A1CF: variants seen among roughly 807,000 people sequenced by gnomAD.
A1CF encodes the protein APOBEC-1 stimulating protein.
In A1CF, 48 loss-of-function variants were observed where a neutral mutation model predicts 68.9. The ratio of observed to expected loss-of-function variants is 0.70; its 90% CI spans 0.55 to 0.89. The LOEUF (loss-of-function observed/expected upper bound fraction) is 0.89, where lower values mean the gene tolerates loss of function less well. A1CF is among the 40% of genes least tolerant of loss of function. The probability of loss-of-function intolerance (pLI) is 0.00; values close to 1 mark genes in which losing one functional copy is unlikely to be tolerated. For missense variants in A1CF, 653 were observed against 718.9 expected (o/e 0.91, Z 1.05); for synonymous variants, 272 against 260.4 (o/e 1.04, Z -0.43).
At chr10:50,810,619 C>T (rs1053782966) in intron 11 of A1CF, among the ~76,000 whole-genome samples, 17 of 152,056 alleles carry the variant, frequency 1.1e-4, no homozygotes, top group Admixed American at 2.6e-4. Flanking sequence ...TGACTACAGG[C>T]GCCTGCTGAG....
chr10:50,819,676 C>A (rs1484114509), intron 8 of A1CF, among the ~76,000 whole-genome samples: 1 of 152,178 alleles, frequency 6.6e-6, no homozygotes, highest in Non-Finnish European at 1.5e-5. Flanking sequence ...CCAAGTTACT[C>A]CACATTTTCC....
Position 50,814,008 on chromosome 10 carries a change from C to T in A1CF, c.1172G>A (p.Arg391His), listed in dbSNP as rs149597685. ...CAGGCCTGTGTATGCCAAATAGCCACGGCCGCCCAGTCCTCTCACTCCCGC... is the reference window on the plus strand; with the variant it reads ...CAGGCCTGTGTATGCCAAATAGCCATGGCCGCCCAGTCCTCTCACTCCCGC... Reference protein sequence around the residue: ...GAAGVRGLGGRGYLAYTGLGR... With the variant: ...GAAGVRGLGGHGYLAYTGLGR... The change falls in exon 10 of 13, where the codon CGT (arginine) becomes CAT (histidine). Residue 391 changes from arginine (R) to histidine (H), a missense_variant. Arg to His is a conservative substitution (Grantham distance 29). Coordinates refer to ENST00000373997, the MANE Select transcript of A1CF (RefSeq NM_014576.4). 51 of 1,613,752 alleles carry T rather than the reference C, an allele frequency of 3.2e-5. No individual in the cohort carries two copies. The highest frequency in any genetic ancestry group is 4.0e-5 in the African/African-American group (3 of 75,008).
At chr10:50,883,672 AAAG>A in intron 1 of A1CF, among the ~76,000 whole-genome samples, 1 of 152,220 alleles carries the variant, frequency 6.6e-6, no homozygotes. Flanking sequence ...GATGTTCCTG[AAAG>A]AAGATGTTCT....
chr10:50,873,067 T>G (rs934549083), intron 1 of A1CF, among the ~76,000 whole-genome samples: 1 of 146,212 alleles, frequency 6.8e-6, no homozygotes, highest in Non-Finnish European at 1.5e-5. Flanking sequence ...GAAATTCTCC[T>G]GCCTCAGCCT....
intron 1 of A1CF, among the ~76,000 whole-genome samples, chr10:50,881,058 C>T (rs535750597): frequency 5.1e-4 from 77 of 151,636 alleles, no homozygotes; most frequent in Non-Finnish European, 9.9e-4. Context: ...GGTGCGATCT[C>T]GGCTCACTGC....
At position 50,850,271 on chromosome 10, in the gene A1CF, C is replaced by T. The variant is rs1041658465; in HGVS notation, c.100-6149G>A. Among the ~76,000 whole-genome samples, 4 of 152,198 alleles carry T rather than the reference C, an allele frequency of 2.6e-5. 1 individual carries two copies. The highest frequency in any genetic ancestry group is 9.7e-5 in the African/African-American group (4 of 41,446). The stretch of plus-strand genomic sequence containing the variant: ...TCCAAGGAAATTAATCCCAATTTCA[C>T]TTGAAGTTGTTAACTATCTTATGGA... On this transcript the variant is annotated intron_variant, in intron 3 of 12. Transcript: ENST00000373997.
chr10:50,861,884 G>T (rs1840763867), intron 2 of A1CF, among the ~76,000 whole-genome samples: 1 of 148,662 alleles, frequency 6.7e-6, no homozygotes, highest in Admixed American at 6.8e-5. Context: ...TACTAGTATA[G>T]TATTACTATA....
At chr10:50,838,228 A>G (rs569008042) in intron 5 of A1CF, among the ~76,000 whole-genome samples, 53 of 152,282 alleles carry the variant, frequency 3.5e-4, no homozygotes, top group Non-Finnish European at 5.6e-4. Context: ...GGGTTAGGCC[A>G]CTGTCCTAGC....
At chr10:50,857,391 C>T (rs573057960) in intron 3 of A1CF, among the ~76,000 whole-genome samples, 2 of 152,166 alleles carry the variant, frequency 1.3e-5, no homozygotes, top group East Asian at 3.9e-4. Context: ...GGTATGAAAC[C>T]AAGTGACTAG....
At chr10:50,866,093 A>T (rs1426118971) in intron 1 of A1CF, among the ~76,000 whole-genome samples, 3 of 152,188 alleles carry the variant, frequency 2.0e-5, no homozygotes, top group Admixed American at 1.3e-4. Flanking sequence ...AAGTCCTAAT[A>T]CTTATTATTT....
chr10:50,866,247 CAG>C (rs1302058152), intron 1 of A1CF, among the ~76,000 whole-genome samples: 1 of 152,176 alleles, frequency 6.6e-6, no homozygotes, highest in African/African-American at 2.4e-5. Context: ...ATTCAGAGTG[CAG>C]AGTGATTAAA....
chr10:50,863,850 A>T (rs1447820644), intron 2 of A1CF, among the ~76,000 whole-genome samples, 183 bp downstream of exon 2: 1 of 152,188 alleles, frequency 6.6e-6, no homozygotes, highest in African/African-American at 2.4e-5. Context: ...ATATATTTTA[A>T]AATAACTAGA....
chr10:50,834,961 C>T (rs561887311), intron 6 of A1CF, among the ~76,000 whole-genome samples: 64 of 152,158 alleles, frequency 4.2e-4, no homozygotes, highest in Admixed American at 7.9e-4. Context: ...CAAAATATTA[C>T]GTCCAGGTCA....
intron 10 of A1CF, 40 bp downstream of exon 10, chr10:50,813,817 C>T (rs745583803): frequency 1.3e-6 from 2 of 1,594,616 alleles, no homozygotes; most frequent in East Asian, 4.5e-5. Context: ...TGCTCATTGG[C>T]ACAACTTAAA....
rs534689005 is a variant in A1CF, at chr10:50,828,254, C to T, written c.646G>A (p.Ala216Thr). The stretch of plus-strand genomic sequence containing the variant: ...TCATCAACTTCTACTTCTGGCTCTG[C>T]CCAGTCTACTGCAATACCATGTCCC... ...LWGHGIAVDW[A>T]EPEVEVDEDT... The change falls in exon 7 of 13, where the codon GCA becomes ACA. Residue 216 changes from alanine (A) to threonine (T), a missense_variant. Ala to Thr is a moderately conservative substitution (Grantham distance 58). Transcript: ENST00000373997. 3.1e-6 allele frequency: 5 copies of T among 1,605,908 alleles called. No homozygotes were observed. In the East Asian group the frequency reaches 6.7e-5, roughly 22 times the overall value.
intron 5 of A1CF, among the ~76,000 whole-genome samples, chr10:50,841,261 T>C (rs949340186): frequency 6.6e-6 from 1 of 152,206 alleles, no homozygotes. Context: ...CTTTCAGTCC[T>C]CCTCTCTTTA....
chr10:50,799,696 G>A lies in A1CF; in HGVS notation c.*7033C>T, dbSNP rs1397657901. The A allele has an allele frequency of 6.6e-6, 1 of 151,514 alleles. No individual in the cohort carries two copies. Among genetic ancestry groups the A allele is most frequent in the Non-Finnish European group, 1.5e-5 (1 of 67,860 alleles). 9.4% of individuals were successfully genotyped at this position (151,514 alleles called of 1,614,324 possible). On this transcript the variant is annotated 3_prime_UTR_variant, in exon 13 of 13. Transcript: ENST00000373997. ...TTAATACTGTCTTTGTCTCTTTTTT[G>A]GTACCTCAGCTAACTAACTTCACAT...
At chr10:50,854,247 TTACTG>T (rs1840378923) in intron 3 of A1CF, among the ~76,000 whole-genome samples, 2 of 152,134 alleles carry the variant, frequency 1.3e-5, no homozygotes. Flanking sequence ...ACAATATTCT[TTACTG>T]TATGTGAATA....
At chr10:50,833,827 G>A (rs1839362515) in intron 6 of A1CF, among the ~76,000 whole-genome samples, 1 of 152,148 alleles carries the variant, frequency 6.6e-6, no homozygotes, top group Admixed American at 6.6e-5. Context: ...CATCTTGTTA[G>A]TTTGCTGATG....
Sources: gnomAD v4.1 joint callset for allele counts (sites outside exome capture counted in the v4.1 genomes callset) on GRCh38, gnomAD v4.1.1 for gene constraint, MANE v1.5 for transcripts, NCBI Gene and HGNC (gene_info 2026-07-23, HGNC 2026-07-21) for gene names.